The following BACH2 variants were observed in gnomAD, a reference collection of about 807,000 sequenced individuals.
The protein encoded by BACH2 is transcription regulator protein BACH2.
In BACH2, 5 loss-of-function variants were observed where a neutral mutation model predicts 61.8. The ratio of observed to expected loss-of-function variants is 0.08; its 90% CI spans 0.04 to 0.17. The LOEUF is 0.17. Among genes scored for constraint, BACH2 ranks in the 10% least tolerant of loss-of-function variants. The probability of loss-of-function intolerance (pLI) is 1.00; values close to 1 mark genes in which losing one functional copy is unlikely to be tolerated. For synonymous variants in BACH2, 446 were observed against 440.1 expected, an observed-to-expected ratio of 1.01 and a Z score of -0.17; for missense variants, 824 against 1,091.1, an observed-to-expected ratio of 0.76 and a Z score of 3.45.
chr6:90,142,632 T>A (rs896235213), intron 4 of BACH2, among the ~76,000 whole-genome samples: 1 of 152,160 alleles, frequency 6.6e-6, no homozygotes, highest in African/African-American at 2.4e-5. Context: ...AGGATAATGT[T>A]TGGCCAAACA....
chr6:89,968,682 A>G (rs914819654), intron 6 of BACH2, among the ~76,000 whole-genome samples: 4 of 152,238 alleles, frequency 2.6e-5, no homozygotes, highest in African/African-American at 9.6e-5. Context: ...TGGATGCTGA[A>G]GTGAACTTGA....
chr6:90,236,317 G>A (rs141449107), intron 3 of BACH2, among the ~76,000 whole-genome samples: 169 of 152,364 alleles, frequency 1.1e-3, no homozygotes, highest in African/African-American at 3.4e-3. Flanking sequence ...ATTAGAAACA[G>A]TATGCTAGGC....
At chr6:90,168,861 G>T (rs540041962) in intron 4 of BACH2, among the ~76,000 whole-genome samples, 1 of 152,054 alleles carries the variant, frequency 6.6e-6, no homozygotes, top group Non-Finnish European at 1.5e-5. Context: ...CCTGTTCCAC[G>T]CTGGTTTTCA....
At chr6:90,296,118 G>A (rs1772366097) in intron 1 of BACH2, among the ~76,000 whole-genome samples, 2 of 152,094 alleles carry the variant, frequency 1.3e-5, no homozygotes, top group Admixed American at 6.5e-5. Flanking sequence ...CGCGCCTCCT[G>A]CAGCCCGCCC....
At chr6:90,263,983 T>G (rs1301551761) in intron 2 of BACH2, among the ~76,000 whole-genome samples, 1 of 152,178 alleles carries the variant, frequency 6.6e-6, no homozygotes. Context: ...GCCAAAACAC[T>G]GACTTCAGAG....
At chr6:90,291,026 T>TCAG (rs749316397) in intron 1 of BACH2, among the ~76,000 whole-genome samples, 1 of 152,000 alleles carries the variant, frequency 6.6e-6, no homozygotes, top group Non-Finnish European at 1.5e-5. Context: ...TCTCATCACA[T>TCAG]CAGCAGCAGC....
chr6:90,070,619 C>G (rs531355979), intron 5 of BACH2, among the ~76,000 whole-genome samples: 144 of 152,278 alleles, frequency 9.5e-4, no homozygotes, highest in African/African-American at 3.2e-3. Context: ...GTCTTGTCTA[C>G]AGCAGCCCCC....
chr6:89,999,903 G>T (rs1777046519), intron 6 of BACH2, among the ~76,000 whole-genome samples: 1 of 152,198 alleles, frequency 6.6e-6, no homozygotes, highest in South Asian at 2.1e-4. Context: ...TAGACATAGT[G>T]AAAAGAAATC....
At chr6:90,122,641 T>C (rs1182263887) in intron 4 of BACH2, among the ~76,000 whole-genome samples, 2 of 152,230 alleles carry the variant, frequency 1.3e-5, no homozygotes, top group African/African-American at 4.8e-5. Flanking sequence ...AACACCTCCC[T>C]GATTTCTGCA....
At chr6:90,234,265 C>T (rs1490435993) in intron 3 of BACH2, among the ~76,000 whole-genome samples, 2 of 152,138 alleles carry the variant, frequency 1.3e-5, no homozygotes, top group South Asian at 2.1e-4. Context: ...GGTGCAAGTG[C>T]GGAAAAATAC....
At chr6:90,213,442 G>A (rs1048637413) in intron 3 of BACH2, among the ~76,000 whole-genome samples, 6 of 152,090 alleles carry the variant, frequency 3.9e-5, no homozygotes, top group African/African-American at 1.2e-4. Flanking sequence ...TAAACCTCCG[G>A]GAGAGAAAAC....
intron 2 of BACH2, among the ~76,000 whole-genome samples, chr6:90,266,036 CAT>C: frequency 6.6e-6 from 1 of 152,256 alleles, no homozygotes; most frequent in South Asian, 2.1e-4. Flanking sequence ...CCTATACTGT[CAT>C]ATGCCCAGGT....
At chr6:90,155,941 T>C (rs1784982244) in intron 4 of BACH2, among the ~76,000 whole-genome samples, 1 of 152,202 alleles carries the variant, frequency 6.6e-6, no homozygotes, top group Non-Finnish European at 1.5e-5. Context: ...CATAAAGTCC[T>C]ATTCTCAGAT....
intron 4 of BACH2, among the ~76,000 whole-genome samples, chr6:90,117,497 T>C (rs532518573): frequency 6.6e-6 from 1 of 151,428 alleles, no homozygotes; most frequent in South Asian, 2.1e-4. Flanking sequence ...TAGCATCCTA[T>C]ACTTCTGCAA....
At chr6:90,129,091 A>G (rs566919909) in intron 4 of BACH2, among the ~76,000 whole-genome samples, 16 of 152,256 alleles carry the variant, frequency 1.1e-4, no homozygotes, top group African/African-American at 3.6e-4. Flanking sequence ...GGGTGAAGGG[A>G]TAGCATTAGG....
intron 6 of BACH2, among the ~76,000 whole-genome samples, chr6:89,953,837 G>A (rs1268066681): frequency 6.6e-6 from 1 of 152,184 alleles, no homozygotes; most frequent in Admixed American, 6.5e-5. Context: ...CCGATCAACT[G>A]ATCAAAGGCA....
chr6:90,135,782 C>T (rs1251721085), intron 4 of BACH2, among the ~76,000 whole-genome samples: 1 of 152,138 alleles, frequency 6.6e-6, no homozygotes, highest in African/African-American at 2.4e-5. Flanking sequence ...AGCCCTCCTC[C>T]CACTTATTTC....
At chr6:90,132,844 T>G (rs1784122847) in intron 4 of BACH2, among the ~76,000 whole-genome samples, 1 of 152,206 alleles carries the variant, frequency 6.6e-6, no homozygotes, top group Non-Finnish European at 1.5e-5. Context: ...AACCACTTCT[T>G]GAGCCCTGCA....
intron 6 of BACH2, among the ~76,000 whole-genome samples, chr6:89,957,593 C>T (rs745332667): frequency 6.6e-6 from 1 of 152,138 alleles, no homozygotes; most frequent in Non-Finnish European, 1.5e-5. Flanking sequence ...GGCTGGAGTG[C>T]AGTGGCATGA....
Sources: allele counts gnomAD v4.1 joint callset (sites outside exome capture counted in the v4.1 genomes callset), GRCh38; gene constraint gnomAD v4.1.1; transcripts MANE v1.5; gene names NCBI Gene and HGNC (gene_info 2026-07-23, HGNC 2026-07-21).